The following OSBPL11 variants were observed in gnomAD, a reference collection of about 807,000 sequenced individuals.
OSBPL11 encodes oxysterol binding protein like 11.
Under a neutral mutation model 84.4 loss-of-function variants are expected in OSBPL11, and 33 were observed. The observed-to-expected ratio is 0.39, with a 90% CI of 0.30 to 0.52. The LOEUF is 0.52. Among genes scored for constraint, OSBPL11 ranks in the 20% least tolerant of loss-of-function variants. OSBPL11 has a pLI of 0.72. For synonymous variants in OSBPL11, 276 were observed against 310.2 expected (o/e 0.89, Z 1.16); for missense variants, 736 against 901.1 (o/e 0.82, Z 2.35).
intron 1 of OSBPL11, among the ~76,000 whole-genome samples, chr3:125,590,806 GTTA>G (rs1338433000): frequency 2.0e-5 from 3 of 152,118 alleles, no homozygotes; most frequent in South Asian, 2.1e-4. Flanking sequence ...TACCAAACTA[GTTA>G]TTATCAATAA....
intron 8 of OSBPL11, among the ~76,000 whole-genome samples, chr3:125,555,812 A>G (rs1935983196): frequency 6.6e-6 from 1 of 152,062 alleles, no homozygotes; most frequent in Non-Finnish European, 1.5e-5. Context: ...AGCCTCCTGA[A>G]TGGCTGGGAT....
At chr3:125,581,323 C>G (rs1355196882) in intron 2 of OSBPL11, among the ~76,000 whole-genome samples, 1 of 151,920 alleles carries the variant, frequency 6.6e-6, no homozygotes, top group East Asian at 2.0e-4. Flanking sequence ...AACTCCTGAA[C>G]TCAGGCGATC....
chr3:125,552,771 G>A, intron 8 of OSBPL11, 92 bp from the exon 9 acceptor site: 1 of 1,390,352 alleles, frequency 7.2e-7, no homozygotes, highest in Non-Finnish European at 9.7e-7. Flanking sequence ...TTTCATTCTA[G>A]ATGGGTATTA....
intron 7 of OSBPL11, among the ~76,000 whole-genome samples, chr3:125,562,248 G>C (rs1936089678): frequency 6.6e-6 from 1 of 152,158 alleles, no homozygotes; most frequent in African/African-American, 2.4e-5. Flanking sequence ...TAGTGTATAT[G>C]TTGTGACTCC....
At chr3:125,578,921 T>A in intron 4 of OSBPL11, 39 bp downstream of exon 4, 1 of 1,271,002 alleles carries the variant, frequency 7.9e-7, no homozygotes, top group Non-Finnish European at 1.1e-6. Context: ...TATTCCTTCC[T>A]CATTTTTGTA....
chr3:125,549,133 T>C (rs1049234773), intron 9 of OSBPL11, among the ~76,000 whole-genome samples: 1 of 152,134 alleles, frequency 6.6e-6, no homozygotes, highest in Non-Finnish European at 1.5e-5. Flanking sequence ...GCAATTCTCC[T>C]GCCTCAGCCT....
rs572318218 is a variant in OSBPL11 at position 125,529,261 on chromosome 3, T to C, written c.*1254A>G. 25 of 152,594 alleles carry C rather than the reference T, an allele frequency of 1.6e-4. No individual in the cohort carries two copies. Among genetic ancestry groups the C allele is most frequent in the East Asian group, 1.2e-3 (6 of 5,188 alleles). The allele number at this position is 152,594 out of a possible 1,614,324, so 9.5% of individuals were successfully genotyped here. On this transcript the variant is annotated 3_prime_UTR_variant, in exon 13 of 13. Coordinates refer to ENST00000296220, the MANE Select transcript of OSBPL11 (RefSeq NM_022776.5). ...AACAAGTGTTGAGCACCATAATAAGTAGGTGCTCAATAAATACATGAATGA... is the reference window on the plus strand; with the variant it reads ...AACAAGTGTTGAGCACCATAATAAGCAGGTGCTCAATAAATACATGAATGA...
At position 125,579,920 on chromosome 3, in the gene OSBPL11, C is replaced by T. The variant is rs767958496; in HGVS notation, c.354G>A (p.Glu118=). 9.3e-6 allele frequency: 15 copies of T among 1,614,168 alleles called. No individual in the cohort carries two copies. In the Admixed American group the frequency reaches 2.5e-4, roughly 27 times the overall value. The part of the protein sequence containing the change: ...LAGAVISPSD[E]DSHTFTVNAA... ...CGTTTACAGTGAAGGTGTGAGAATCCTCATCACTGGGTGATATTACAGCTC... is the reference window on the plus strand; with the variant it reads ...CGTTTACAGTGAAGGTGTGAGAATCTTCATCACTGGGTGATATTACAGCTC... The change falls in exon 3 of 13, where the codon GAG becomes GAA. Residue 118 remains glutamate (E), a synonymous_variant. Coordinates refer to ENST00000296220, the MANE Select transcript of OSBPL11 (RefSeq NM_022776.5).
intron 7 of OSBPL11, among the ~76,000 whole-genome samples, chr3:125,562,245 T>C (rs530263667): frequency 6.6e-6 from 1 of 152,322 alleles, no homozygotes; most frequent in African/African-American, 2.4e-5. Flanking sequence ...TTTTAGTGTA[T>C]ATGTTGTGAC....
intron 5 of OSBPL11, among the ~76,000 whole-genome samples, chr3:125,575,569 A>G (rs1317910006): frequency 6.6e-6 from 1 of 151,796 alleles, no homozygotes; most frequent in African/African-American, 2.4e-5. Flanking sequence ...TCACTCTGCT[A>G]CCCAGGCTGG....
intron 5 of OSBPL11, among the ~76,000 whole-genome samples, chr3:125,569,909 G>C (rs1245427257): frequency 6.6e-6 from 1 of 152,184 alleles, no homozygotes; most frequent in Non-Finnish European, 1.5e-5. Flanking sequence ...GAAGGGTGTT[G>C]TGATGAGGGG....
intron 6 of OSBPL11, among the ~76,000 whole-genome samples, chr3:125,566,409 C>T (rs1936157888): frequency 6.6e-6 from 1 of 152,102 alleles, no homozygotes; most frequent in African/African-American, 2.4e-5. Flanking sequence ...CTCAATAGTG[C>T]CCTAACCTGC....
chr3:125,568,890 T>C (rs563935189), intron 5 of OSBPL11, among the ~76,000 whole-genome samples: 23 of 152,304 alleles, frequency 1.5e-4, no homozygotes, highest in African/African-American at 4.8e-4. Context: ...TTAGTTCACA[T>C]AGAAACTCTA....
chr3:125,553,794 A>C (rs1234666449), intron 8 of OSBPL11, among the ~76,000 whole-genome samples: 4 of 152,246 alleles, frequency 2.6e-5, no homozygotes, highest in African/African-American at 9.6e-5. Context: ...ATAATACAAA[A>C]GACAGTGGAT....
At chr3:125,569,973 G>C (rs1936219309) in intron 5 of OSBPL11, among the ~76,000 whole-genome samples, 1 of 152,058 alleles carries the variant, frequency 6.6e-6, no homozygotes, top group Non-Finnish European at 1.5e-5. Flanking sequence ...TCCAGGAGGT[G>C]GTTATGCAGA....
rs143751490 is a variant in OSBPL11 at position 125,591,932 on chromosome 3, T to C, written c.164+2705A>G. ...TAGGAGGATCACTTGAGCCTAGCAG[T>C]TCAAGGCTGCAGTGAGCTATGATGG... On this transcript the variant is annotated intron_variant, in intron 1 of 12. Coordinates refer to ENST00000296220, the MANE Select transcript of OSBPL11 (RefSeq NM_022776.5). 3.4e-3 allele frequency among the ~76,000 whole-genome samples: 514 copies of C among 152,152 alleles called. 3 individuals are homozygous for C. The highest frequency in any genetic ancestry group is 0.011 in the African/African-American group (471 of 41,522).
At chr3:125,547,223 G>T (rs1486381912) in intron 10 of OSBPL11, among the ~76,000 whole-genome samples, 183 bp downstream of exon 10, 2 of 152,124 alleles carry the variant, frequency 1.3e-5, no homozygotes, top group Non-Finnish European at 2.9e-5. Flanking sequence ...ATATCTTAAT[G>T]TTACTACTTT....
chr3:125,589,736 C>T (rs1462845636), intron 1 of OSBPL11, among the ~76,000 whole-genome samples: 4 of 152,188 alleles, frequency 2.6e-5, no homozygotes, highest in Middle Eastern at 3.4e-3. Flanking sequence ...TTTTCCCATC[C>T]GCGAACAGGC....
chr3:125,546,135 A>G (rs542762200), intron 10 of OSBPL11, among the ~76,000 whole-genome samples: 2 of 151,102 alleles, frequency 1.3e-5, no homozygotes, highest in East Asian at 3.9e-4. Context: ...AAAAAAAAAA[A>G]AAAGAATAGG....
Sources: gnomAD v4.1 joint callset for allele counts (sites outside exome capture counted in the v4.1 genomes callset) on GRCh38, gnomAD v4.1.1 for gene constraint, MANE v1.5 for transcripts, NCBI Gene and HGNC (gene_info 2026-07-23, HGNC 2026-07-21) for gene names.